CADPS: variants seen among roughly 807,000 people sequenced by gnomAD.
The protein encoded by CADPS is calcium-dependent secretion activator 1.
CADPS carries 57 observed loss-of-function variants against 167.3 expected under a neutral mutation model. The ratio of observed to expected loss-of-function variants is 0.34; its 90% CI spans 0.28 to 0.42. CADPS has a LOEUF of 0.42. CADPS is among the 20% of genes least tolerant of loss of function. The pLI, the probability that CADPS is intolerant of heterozygous loss-of-function variation, is 1.00. For synonymous variants in CADPS, 676 were observed against 635.3 expected, an observed-to-expected ratio of 1.06 and a Z score of -0.96; for missense variants, 1,414 against 1,738.1, an observed-to-expected ratio of 0.81 and a Z score of 3.32.
At chr3:62,521,688 C>G (rs906610827) in intron 13 of CADPS, among the ~76,000 whole-genome samples, 61 of 152,200 alleles carry the variant, frequency 4.0e-4, no homozygotes, top group African/African-American at 9.2e-4. Context: ...CTCACGCTCT[C>G]GTGTCCTGAC....
intron 11 of CADPS, among the ~76,000 whole-genome samples, chr3:62,541,953 T>C (rs1231935086): frequency 6.6e-6 from 1 of 152,196 alleles, no homozygotes; most frequent in African/African-American, 2.4e-5. Flanking sequence ...AAGAATAATG[T>C]AGTTTTCAAA....
chr3:62,622,814 C>T (rs1017310283), intron 6 of CADPS, among the ~76,000 whole-genome samples: 1 of 152,156 alleles, frequency 6.6e-6, no homozygotes, highest in Non-Finnish European at 1.5e-5. Context: ...TGACAATAGC[C>T]AACTTCAAAG....
chr3:62,699,261 C>T (rs2080949314), intron 3 of CADPS, among the ~76,000 whole-genome samples: 1 of 150,870 alleles, frequency 6.6e-6, no homozygotes, highest in South Asian at 2.1e-4. Flanking sequence ...GATCTTGAAC[C>T]CCTGGGCTCA....
chr3:62,560,152 C>T (rs949370416), intron 9 of CADPS, among the ~76,000 whole-genome samples: 6 of 151,924 alleles, frequency 3.9e-5, no homozygotes, highest in African/African-American at 9.7e-5. Flanking sequence ...TTGCAATGTA[C>T]TTTAGGAAAT....
intron 26 of CADPS, among the ~76,000 whole-genome samples, chr3:62,459,237 C>T (rs2059052841): frequency 6.6e-6 from 1 of 152,152 alleles, no homozygotes; most frequent in Non-Finnish European, 1.5e-5. Context: ...TGGAAGGTGG[C>T]CCTCAGCTCC....
At chr3:62,656,421 G>T (rs2150339680) in intron 4 of CADPS, among the ~76,000 whole-genome samples, 1 of 152,296 alleles carries the variant, frequency 6.6e-6, no homozygotes, top group East Asian at 1.9e-4. Context: ...AAATGAGGCA[G>T]AAGTGTTAAG....
chr3:62,707,334 G>C (rs541448195), intron 3 of CADPS, among the ~76,000 whole-genome samples: 1 of 152,050 alleles, frequency 6.6e-6, no homozygotes, highest in Non-Finnish European at 1.5e-5. Context: ...CTGCAACCCC[G>C]GGTCTGTGAA....
At chr3:62,550,576 G>C (rs144417510) in intron 10 of CADPS, among the ~76,000 whole-genome samples, 145 of 152,222 alleles carry the variant, frequency 9.5e-4, no homozygotes, top group African/African-American at 3.3e-3. Context: ...TTAAAATGCA[G>C]CTTCTGATTC....
chr3:62,747,168 C>A (rs1449576371), intron 3 of CADPS, among the ~76,000 whole-genome samples: 1 of 152,206 alleles, frequency 6.6e-6, no homozygotes, highest in Non-Finnish European at 1.5e-5. Context: ...AAGTATGCTT[C>A]TAAATAAAAG....
intron 28 of CADPS, among the ~76,000 whole-genome samples, chr3:62,429,547 C>A (rs544146092): frequency 1.3e-5 from 2 of 152,186 alleles, no homozygotes; most frequent in African/African-American, 4.8e-5. Flanking sequence ...TTTAACACAG[C>A]TCGTCTCCTG....
chr3:62,790,038 A>G (rs915008789), intron 1 of CADPS, among the ~76,000 whole-genome samples: 1 of 152,154 alleles, frequency 6.6e-6, no homozygotes, highest in Non-Finnish European at 1.5e-5. Context: ...AGCTTTTTGG[A>G]GGAAAATTTG....
intron 21 of CADPS, among the ~76,000 whole-genome samples, chr3:62,488,728 G>T (rs1458842084): frequency 6.6e-6 from 1 of 152,046 alleles, no homozygotes; most frequent in African/African-American, 2.4e-5. Flanking sequence ...GGCCTCAGGT[G>T]ATCCTCTCGC....
In CADPS at chr3:62,633,092, G is replaced by A. The variant is rs532621382; in HGVS notation, c.1325+12630C>T. 9.2e-5 allele frequency among the ~76,000 whole-genome samples: 14 copies of A among 152,192 alleles called. No individual in the cohort carries two copies. The South Asian group carries it at 2.9e-3, about 32-fold the overall frequency. ...TGGTAATAAACAATTGCAAACTCCG[G>A]AGAGAAGAGCCAAGTGTTGTCTGCT... On this transcript the variant is annotated intron_variant, in intron 6 of 29. Coordinates refer to ENST00000383710, the MANE Select transcript of CADPS (RefSeq NM_003716.4).
intron 1 of CADPS, among the ~76,000 whole-genome samples, chr3:62,865,687 T>G (rs181432608): frequency 6.6e-6 from 1 of 152,252 alleles, no homozygotes; most frequent in East Asian, 1.9e-4. Flanking sequence ...ATCAGAAAAG[T>G]CCATATCTAA....
intron 27 of CADPS, among the ~76,000 whole-genome samples, chr3:62,442,077 G>A (rs2056406063): frequency 6.6e-6 from 1 of 151,544 alleles, no homozygotes; most frequent in Admixed American, 6.6e-5. Context: ...AATAATAAAA[G>A]CTGAATATAT....
chr3:62,540,278 T>C (rs1273651891), intron 11 of CADPS, among the ~76,000 whole-genome samples: 1 of 152,108 alleles, frequency 6.6e-6, no homozygotes, highest in African/African-American at 2.4e-5. Context: ...CTATGTCCTG[T>C]TTCTGTGTTT....
At chr3:62,493,814 C>G (rs1036518102) in intron 18 of CADPS, 149 bp from the exon 19 acceptor site, 1 of 643,398 alleles carries the variant, frequency 1.6e-6, no homozygotes, top group Non-Finnish European at 2.7e-6. Context: ...GCTGGCCTGT[C>G]AGCAAAAAAA....
chr3:62,599,839 ATT>A (rs2059643960), intron 6 of CADPS, among the ~76,000 whole-genome samples: 11 of 2,416 alleles, frequency 4.6e-3, no homozygotes, highest in East Asian at 0.1. Context: ...TATATAATAT[ATT>A]ATATATATAT....
chr3:62,818,104 GT>G (rs1290798542), intron 1 of CADPS, among the ~76,000 whole-genome samples: 5 of 152,212 alleles, frequency 3.3e-5, no homozygotes, highest in Non-Finnish European at 5.9e-5. Flanking sequence ...ACTGAGAATT[GT>G]TTTTTTAATG....
Sources: allele counts gnomAD v4.1 joint callset (sites outside exome capture counted in the v4.1 genomes callset), GRCh38; gene constraint gnomAD v4.1.1; transcripts MANE v1.5; gene names NCBI Gene and HGNC (gene_info 2026-07-23, HGNC 2026-07-21).